TMEM74: variants seen among roughly 807,000 people sequenced by gnomAD.
TMEM74 encodes transmembrane protein 74.
In TMEM74, 13 loss-of-function variants were observed where a neutral mutation model predicts 18.1. The ratio of observed to expected loss-of-function variants is 0.72; its 90% confidence interval spans 0.47 to 1.14. TMEM74 has a LOEUF of 1.14. Among genes scored for constraint, TMEM74 ranks in the 50% most tolerant of loss-of-function variants. TMEM74 has a pLI of 0.00. For missense variants in TMEM74, 372 were observed against 375.9 expected, an observed-to-expected ratio of 0.99 and a Z score of 0.09; for synonymous variants, 159 against 146.6, an observed-to-expected ratio of 1.08 and a Z score of -0.61.
intron 2 of TMEM74, among the ~76,000 whole-genome samples, chr8:108,648,575 T>C (rs1812743487): frequency 6.6e-6 from 1 of 152,114 alleles, no homozygotes. Context: ...GCGTTTATTA[T>C]AATCACAAGG....
intron 2 of TMEM74, among the ~76,000 whole-genome samples, chr8:108,638,564 T>TA (rs34250538): frequency 0.23 from 32,351 of 138,050 alleles, 3,526 homozygotes; most frequent in East Asian, 0.27. Flanking sequence ...TCTCTAGCAT[T>TA]AAAAAAAAAA....
chr8:108,660,997 A>T (rs1189406974), intron 1 of TMEM74, among the ~76,000 whole-genome samples: 1 of 152,182 alleles, frequency 6.6e-6, no homozygotes, highest in East Asian at 1.9e-4. Flanking sequence ...TTTAGTATTA[A>T]AAAGCAAATC....
intron 1 of TMEM74, among the ~76,000 whole-genome samples, chr8:108,670,272 A>G (rs1812990995): frequency 6.6e-6 from 1 of 152,192 alleles, no homozygotes. Flanking sequence ...AGCCAATTCT[A>G]GTGCTGTGTT....
At chr8:108,648,069 T>A (rs1230627582) in intron 2 of TMEM74, among the ~76,000 whole-genome samples, 1 of 152,186 alleles carries the variant, frequency 6.6e-6, no homozygotes, top group Non-Finnish European at 1.5e-5. Flanking sequence ...TCACATATTA[T>A]GTTAATTTTG....
At chr8:108,675,341 T>C (rs963173058) in intron 1 of TMEM74, among the ~76,000 whole-genome samples, 3 of 152,154 alleles carry the variant, frequency 2.0e-5, no homozygotes, top group Admixed American at 6.6e-5. Context: ...ATTTTCAGAA[T>C]GTGGATGTGA....
intron 1 of TMEM74, among the ~76,000 whole-genome samples, chr8:108,693,900 G>C (rs1813254378): frequency 6.6e-6 from 1 of 152,212 alleles, no homozygotes; most frequent in Non-Finnish European, 1.5e-5. Flanking sequence ...CTTTTTGCCA[G>C]TTTGGCATCT....
chr8:108,679,445 T>C (rs1305354179), intron 1 of TMEM74, among the ~76,000 whole-genome samples: 1 of 152,216 alleles, frequency 6.6e-6, no homozygotes, highest in African/African-American at 2.4e-5. Flanking sequence ...TCATTCTAAC[T>C]GGTGTGAGAT....
intron 2 of TMEM74, among the ~76,000 whole-genome samples, chr8:108,651,709 G>T (rs1002818806): frequency 6.6e-6 from 1 of 152,006 alleles, no homozygotes; most frequent in African/African-American, 2.4e-5. Context: ...CTTCCTGGTG[G>T]TGCCTAGAGA....
chr8:108,686,687 A>T (rs1462805319), intron 1 of TMEM74, among the ~76,000 whole-genome samples: 1 of 152,048 alleles, frequency 6.6e-6, no homozygotes, highest in Non-Finnish European at 1.5e-5. Flanking sequence ...TAGAAAAAAA[A>T]AAAATAGAAA....
intron 1 of TMEM74, among the ~76,000 whole-genome samples, chr8:108,747,535 T>TTC (rs368524691): frequency 0.029 from 4,277 of 149,984 alleles, 199 homozygotes; most frequent in African/African-American, 0.094. Context: ...AGAAGCACAC[T>TTC]TCTCTCTCTC....
At chr8:108,721,308 T>C (rs2935791) in intron 1 of TMEM74, among the ~76,000 whole-genome samples, 42,863 of 152,096 alleles carry the variant, frequency 0.28, 6,756 homozygotes, top group Middle Eastern at 0.37. Flanking sequence ...TAGAATCTTA[T>C]CAAATTCCAG....
At chr8:108,713,299 C>T (rs1367185095) in intron 1 of TMEM74, among the ~76,000 whole-genome samples, 1 of 151,916 alleles carries the variant, frequency 6.6e-6, no homozygotes, top group South Asian at 2.1e-4. Context: ...GAATTATATA[C>T]AATTATAAAA....
chr8:108,623,147 A>G (rs941693621), intron 2 of TMEM74, among the ~76,000 whole-genome samples: 7 of 152,148 alleles, frequency 4.6e-5, no homozygotes, highest in Non-Finnish European at 8.8e-5. Context: ...GAAATAGTTA[A>G]GTGTAAATGC....
At chr8:108,663,526 A>G (rs1164914262) in intron 1 of TMEM74, among the ~76,000 whole-genome samples, 3 of 152,148 alleles carry the variant, frequency 2.0e-5, no homozygotes, top group Non-Finnish European at 4.4e-5. Flanking sequence ...ATGTAAATTA[A>G]TTTAACCATT....
chr8:108,624,729 G>A (rs993355074), intron 2 of TMEM74, among the ~76,000 whole-genome samples: 4 of 151,990 alleles, frequency 2.6e-5, no homozygotes, highest in Middle Eastern at 3.4e-3. Flanking sequence ...CCATATCTAC[G>A]TTTTCCTTTT....
chr8:108,732,387 C>T (rs973831485), intron 1 of TMEM74, among the ~76,000 whole-genome samples: 5 of 152,110 alleles, frequency 3.3e-5, no homozygotes, highest in African/African-American at 1.2e-4. Context: ...CCCATGTGAG[C>T]TTTTTAAGAC....
rs1814294368 is a variant in TMEM74 at position 108,780,673 on chromosome 8, G to A, written c.*3508C>T. ...TTAAGCAGACAGCAAAGCATGTGAT[G>A]ATATCAAGGCAAGTAACTTGATAGA... On this transcript the variant is annotated 3_prime_UTR_variant, in exon 2 of 2. Transcript: ENST00000297459. Among the ~76,000 whole-genome samples the A allele has an allele frequency of 6.6e-6, 1 of 152,158 alleles. No homozygotes were observed. The highest frequency in any genetic ancestry group is 1.9e-4 in the East Asian group (1 of 5,188).
intron 2 of TMEM74, among the ~76,000 whole-genome samples, chr8:108,644,341 CA>C (rs1812694768): frequency 6.6e-6 from 1 of 152,078 alleles, no homozygotes; most frequent in Non-Finnish European, 1.5e-5. Flanking sequence ...TTACCAGATG[CA>C]AAAATTAACT....
At chr8:108,764,698 G>C (rs1405581704) in intron 1 of TMEM74, among the ~76,000 whole-genome samples, 2 of 152,130 alleles carry the variant, frequency 1.3e-5, no homozygotes, top group Non-Finnish European at 2.9e-5. Context: ...TGTCTGAATG[G>C]TGACAGAGGG....
Sources: allele counts gnomAD v4.1 joint callset (sites outside exome capture counted in the v4.1 genomes callset), GRCh38; gene constraint gnomAD v4.1.1; transcripts MANE v1.5; gene names NCBI Gene and HGNC (gene_info 2026-07-23, HGNC 2026-07-21).